PXMP4: variants seen among roughly 807,000 people sequenced by gnomAD.
PXMP4 encodes the protein 24 kDa peroxisomal intrinsic membrane protein.
In PXMP4, 16 loss-of-function variants were observed where a neutral mutation model predicts 21.6. The observed-to-expected ratio is 0.74, with a 90% CI of 0.50 to 1.13. The LOEUF is 1.13. PXMP4 is among the 50% of genes most tolerant of loss of function. The pLI is 0.00. For missense variants in PXMP4, 240 were observed against 277.7 expected (o/e 0.86, Z 0.96); for synonymous variants, 127 against 123.8 (o/e 1.03, Z -0.17).
At chr20:33,717,639 C>CAAAAAAAAAAAAAAA (rs10666719) in intron 1 of PXMP4, among the ~76,000 whole-genome samples, 5 of 56,550 alleles carry the variant, frequency 8.8e-5, no homozygotes, top group African/African-American at 4.2e-4. Context: ...GACTCCGTCT[C>CAAAAAAAAAAAAAAA]AAAAAAAAAA....
intron 1 of PXMP4, among the ~76,000 whole-genome samples, chr20:33,715,294 C>T (rs574107861): frequency 3.3e-5 from 5 of 152,052 alleles, no homozygotes; most frequent in Non-Finnish European, 7.4e-5. Context: ...GCGCCAGCCA[C>T]CATGCCAGGC....
At chr20:33,713,243 C>T (rs749574576) in intron 2 of PXMP4, among the ~76,000 whole-genome samples, 3 of 152,158 alleles carry the variant, frequency 2.0e-5, no homozygotes, top group Non-Finnish European at 4.4e-5. Context: ...GTCCTCTCTC[C>T]CCTTCAGCCC....
rs374588175 is a variant in PXMP4 at position 33,710,694 on chromosome 20, G to A, written c.236C>T (p.Ala79Val). Residue 79 changes from alanine (A) to valine (V), a missense_variant, in exon 3 of 4, where the codon GCA (alanine) becomes GTA (valine). Ala to Val is a moderately conservative substitution (Grantham distance 64). Coordinates refer to ENST00000409299, the MANE Select transcript of PXMP4 (RefSeq NM_007238.5). ...ACCCTTGTAGGTGAACACAAACCGT[G>A]CCAGGTTCCAGGAGTGGATATATGT... ...QATYIHSWNL[A>V]RFVFTYKGLR... The A allele has an allele frequency of 3.1e-6, 5 of 1,613,826 alleles. No homozygotes were observed. The highest frequency in any genetic ancestry group is 4.2e-6 in the Non-Finnish European group (5 of 1,179,894).
Position 33,705,099 on chromosome 20 carries a change from C to G in PXMP4, c.*2607G>C, listed in dbSNP as rs1219492068. 1 of 150,456 alleles carries G rather than the reference C, an allele frequency of 6.6e-6. No homozygotes were observed. The allele number at this position is 150,456 out of a possible 1,614,324, so 9.3% of individuals were successfully genotyped here. A position where few individuals can be genotyped will look rare whatever the true frequency, so the allele number is the denominator to read the frequency against. ...CAGCCCCCCAGGTTCAAGAGATTCT[C>G]CCACCTCAGCCTCCCAAGTAGCTGG... On this transcript the variant is annotated 3_prime_UTR_variant, in exon 4 of 4. Transcript: ENST00000409299.
In PXMP4 at chr20:33,706,440, AAATAAT is replaced by A. The variant is rs1187069755; in HGVS notation, c.*1260_*1265del. ...GACCCTGTCGCTACTTAAAAAAAAA[AAATAAT>A]AATAATATGTGGAAAACACCCAAGT... On this transcript the variant is annotated 3_prime_UTR_variant, in exon 4 of 4. Coordinates refer to ENST00000409299, the MANE Select transcript of PXMP4 (RefSeq NM_007238.5). 6.6e-6 allele frequency: 1 copy of A among 151,898 alleles called. No homozygotes were observed. Among genetic ancestry groups the A allele is most frequent in the Non-Finnish European group, 1.5e-5 (1 of 68,004 alleles). 9.4% of individuals were successfully genotyped at this position (151,898 alleles called of 1,614,324 possible). A position where few individuals can be genotyped will look rare whatever the true frequency, so the allele number is the denominator to read the frequency against.
At chr20:33,718,851 A>G (rs2018414597) in intron 1 of PXMP4, among the ~76,000 whole-genome samples, 1 of 152,246 alleles carries the variant, frequency 6.6e-6, no homozygotes, top group African/African-American at 2.4e-5. Flanking sequence ...AGGTGCTAGT[A>G]ATACACCAAG....
intron 3 of PXMP4, among the ~76,000 whole-genome samples, 198 bp from the exon 4 acceptor site, chr20:33,708,167 T>C (rs1477727626): frequency 1.3e-5 from 2 of 152,060 alleles, no homozygotes; most frequent in Admixed American, 1.3e-4. Flanking sequence ...TGCAATTTCA[T>C]TGATTTCTGT....
At chr20:33,714,433 C>T (rs1199793900) in intron 2 of PXMP4, among the ~76,000 whole-genome samples, 2 of 151,978 alleles carry the variant, frequency 1.3e-5, no homozygotes, top group Non-Finnish European at 2.9e-5. Context: ...GCAGGAGAAT[C>T]GCTTGAACCC....
At chr20:33,717,639 C>CAAAAAAAAAAAAAAAAAAAAAAAA (rs10666719) in intron 1 of PXMP4, among the ~76,000 whole-genome samples, 4 of 56,586 alleles carry the variant, frequency 7.1e-5, no homozygotes, top group African/African-American at 2.5e-4. Flanking sequence ...GACTCCGTCT[C>CAAAAAAAAAAAAAAAAAAAAAAAA]AAAAAAAAAA....
rs1037051888 is a variant in PXMP4 at position 33,705,799 on chromosome 20, G to A, written c.*1907C>T. 6.6e-6 allele frequency: 1 copy of A among 152,154 alleles called. No individual in the cohort carries two copies. Among genetic ancestry groups the A allele is most frequent in the African/African-American group, 2.4e-5 (1 of 41,442 alleles). The allele number at this position is 152,154 out of a possible 1,614,324, so 9.4% of individuals were successfully genotyped here. A position where few individuals can be genotyped will look rare whatever the true frequency, so the allele number is the denominator to read the frequency against. ...GCTTAGGTTTCTAAATTTGAAACAAGGCACTGGAAAAAACATGGGCTTTGA... is the reference window on the plus strand; with the variant it reads ...GCTTAGGTTTCTAAATTTGAAACAAAGCACTGGAAAAAACATGGGCTTTGA... On this transcript the variant is annotated 3_prime_UTR_variant, in exon 4 of 4. Coordinates refer to ENST00000409299, the MANE Select transcript of PXMP4 (RefSeq NM_007238.5).
At chr20:33,713,271 C>T (rs192174757) in intron 2 of PXMP4, among the ~76,000 whole-genome samples, 2 of 152,292 alleles carry the variant, frequency 1.3e-5, no homozygotes, top group Admixed American at 1.3e-4. Flanking sequence ...CCAGCCTCCT[C>T]ACACTTATCA....
rs2018259396 is a variant in PXMP4, at chr20:33,706,621, G to A, written c.*1085C>T. 6.6e-6 allele frequency: 1 copy of A among 151,972 alleles called. No individual in the cohort carries two copies. Among genetic ancestry groups the A allele is most frequent in the Non-Finnish European group, 1.5e-5 (1 of 68,010 alleles). 9.4% of individuals were successfully genotyped at this position (151,972 alleles called of 1,614,324 possible). On this transcript the variant is annotated 3_prime_UTR_variant, in exon 4 of 4. Coordinates refer to ENST00000409299, the MANE Select transcript of PXMP4 (RefSeq NM_007238.5). ...AGAACCTTCCCCAAGGTTACACAGT[G>A]GGGGAGTGGGGACTCAAACCCATGT...
At chr20:33,708,045 G>T in intron 3 of PXMP4, 76 bp from the exon 4 acceptor site, 1 of 1,468,056 alleles carries the variant, frequency 6.8e-7, no homozygotes, top group Non-Finnish European at 9.2e-7. Flanking sequence ...TTAATAATTT[G>T]TTTCATTTCT....
At chr20:33,717,624 A>G (rs1302999451) in intron 1 of PXMP4, among the ~76,000 whole-genome samples, 1 of 127,726 alleles carries the variant, frequency 7.8e-6, no homozygotes. Flanking sequence ...TGGGCGACAG[A>G]GCGAGACTCC....
chr20:33,720,291 C>T lies in PXMP4; in HGVS notation c.-84G>A, dbSNP rs748240705. On this transcript the variant is annotated 5_prime_UTR_variant, in exon 1 of 4. Transcript: ENST00000409299. Reference sequence around the variant, plus strand: ...TTCCAGCTGCGCGCCCACAGCCCCTCGGTAGCGCCGCCGACTCGTGGCGTC... The same window carrying T: ...TTCCAGCTGCGCGCCCACAGCCCCTTGGTAGCGCCGCCGACTCGTGGCGTC... The T allele has an allele frequency of 7.4e-6, 9 of 1,212,738 alleles. No homozygotes were observed. The highest frequency in any genetic ancestry group is 9.3e-6 in the Non-Finnish European group (8 of 856,974). 75.1% of individuals were successfully genotyped at this position (1,212,738 alleles called of 1,614,324 possible).
rs1449507041 is a variant in PXMP4 at position 33,704,996 on chromosome 20, T to G, written c.*2710A>C. On this transcript the variant is annotated 3_prime_UTR_variant, in exon 4 of 4. Coordinates refer to ENST00000409299, the MANE Select transcript of PXMP4 (RefSeq NM_007238.5). The stretch of plus-strand genomic sequence containing the variant: ...TTGATTTGTCCAGGATTGTGTTTTT[T>G]TTTTTTTTTTTTTTTTTGAGACAGA... 2.8e-5 allele frequency: 4 copies of G among 145,418 alleles called. No individual in the cohort carries two copies. Among genetic ancestry groups the G allele is most frequent in the South Asian group, 2.2e-4 (1 of 4,488 alleles). 9.0% of individuals were successfully genotyped at this position (145,418 alleles called of 1,614,324 possible). A position where few individuals can be genotyped will look rare whatever the true frequency, so the allele number is the denominator to read the frequency against.
rs1404220875 is a variant in PXMP4 at position 33,707,158 on chromosome 20, G to A, written c.*548C>T. On this transcript the variant is annotated 3_prime_UTR_variant, in exon 4 of 4. Transcript: ENST00000409299. ...GCCTCCCAAAGTTCTGAGATTACAG[G>A]AGTGAGCCACAGTGCCCAGGCTTCT... is the stretch of plus-strand genomic sequence containing the variant. 6.6e-6 allele frequency: 1 copy of A among 152,332 alleles called. No individual in the cohort carries two copies. The highest frequency in any genetic ancestry group is 1.5e-5 in the Non-Finnish European group (1 of 68,160). 9.4% of individuals were successfully genotyped at this position (152,332 alleles called of 1,614,324 possible).
intron 1 of PXMP4, among the ~76,000 whole-genome samples, chr20:33,717,639 C>CAAAAACA (rs2018397205): frequency 1.8e-5 from 1 of 56,590 alleles, no homozygotes; most frequent in Non-Finnish European, 3.3e-5. Context: ...GACTCCGTCT[C>CAAAAACA]AAAAAAAAAA....
chr20:33,712,864 C>T (rs899270592), intron 2 of PXMP4, among the ~76,000 whole-genome samples: 5 of 152,308 alleles, frequency 3.3e-5, no homozygotes, highest in African/African-American at 4.8e-5. Context: ...CTCCTGACCT[C>T]GTGATCTGCC....
Sources: gnomAD v4.1 joint callset for allele counts (sites outside exome capture counted in the v4.1 genomes callset) on GRCh38, gnomAD v4.1.1 for gene constraint, MANE v1.5 for transcripts, NCBI Gene and HGNC (gene_info 2026-07-23, HGNC 2026-07-21) for gene names.